The following PTPRT variants were observed in gnomAD, a reference collection of about 807,000 sequenced individuals.
The protein encoded by PTPRT is protein tyrosine phosphatase receptor type T.
Under a neutral mutation model 176.8 loss-of-function variants are expected in PTPRT, and 56 were observed. That is an observed-to-expected ratio of 0.32 (90% CI 0.26 to 0.40). The LOEUF is 0.40. PTPRT is among the 10% of genes least tolerant of loss of function. The pLI, the probability that PTPRT is intolerant of heterozygous loss-of-function variation, is 1.00. For synonymous variants in PTPRT, 783 were observed against 739.0 expected, an observed-to-expected ratio of 1.06 and a Z score of -0.96; for missense variants, 1,540 against 1,908.2, an observed-to-expected ratio of 0.81 and a Z score of 3.60.
intron 2 of PTPRT, among the ~76,000 whole-genome samples, chr20:42,839,860 G>A (rs1045714159): frequency 2.0e-5 from 3 of 152,108 alleles, no homozygotes; most frequent in Non-Finnish European, 2.9e-5. Flanking sequence ...GGGTTTACCC[G>A]CTGAGATCCT....
intron 7 of PTPRT, among the ~76,000 whole-genome samples, chr20:42,663,615 A>T (rs565894422): frequency 3.2e-4 from 49 of 152,226 alleles, no homozygotes; most frequent in African/African-American, 1.1e-3. Context: ...TGAAATGGGG[A>T]GTTCTGGTCA....
chr20:42,659,196 C>G (rs2075178927), intron 7 of PTPRT, among the ~76,000 whole-genome samples: 1 of 152,124 alleles, frequency 6.6e-6, no homozygotes. Flanking sequence ...ACCAGGAACT[C>G]TCTAACTCTC....
intron 7 of PTPRT, among the ~76,000 whole-genome samples, chr20:42,508,783 G>T (rs2071895894): frequency 6.6e-6 from 1 of 150,984 alleles, no homozygotes; most frequent in South Asian, 2.1e-4. Flanking sequence ...GTTGTTATTG[G>T]TCCAATAAAC....
chr20:43,087,250 A>G (rs1449236928), intron 1 of PTPRT, among the ~76,000 whole-genome samples: 1 of 151,894 alleles, frequency 6.6e-6, no homozygotes, highest in Non-Finnish European at 1.5e-5. Flanking sequence ...TTTAAGAGCT[A>G]TCCATGTCAT....
intron 5 of PTPRT, among the ~76,000 whole-genome samples, chr20:42,761,453 C>A (rs115120549): frequency 0.03 from 4,530 of 150,836 alleles, 226 homozygotes; most frequent in African/African-American, 0.11. Flanking sequence ...AAAAATAAAA[C>A]AAATAAAAAA....
intron 1 of PTPRT, among the ~76,000 whole-genome samples, chr20:42,941,898 A>T (rs984175869): frequency 6.6e-6 from 1 of 152,204 alleles, no homozygotes; most frequent in African/African-American, 2.4e-5. Flanking sequence ...CTTAAAAAGC[A>T]TTGCTTTCAG....
intron 1 of PTPRT, among the ~76,000 whole-genome samples, chr20:43,022,510 T>C (rs1985729585): frequency 6.6e-6 from 1 of 152,166 alleles, no homozygotes; most frequent in Admixed American, 6.5e-5. Flanking sequence ...GGTCCAAAGA[T>C]CATCTAAGGT....
intron 16 of PTPRT, among the ~76,000 whole-genome samples, chr20:42,188,958 CTA>C (rs753458720): frequency 2.6e-5 from 4 of 152,204 alleles, no homozygotes; most frequent in Admixed American, 6.5e-5. Context: ...AAAGCTGGAT[CTA>C]TACAACTCAA....
chr20:42,566,995 GGT>G, intron 7 of PTPRT, among the ~76,000 whole-genome samples: 2 of 152,234 alleles, frequency 1.3e-5, no homozygotes, highest in East Asian at 3.9e-4. Context: ...TTTTAGGCAG[GGT>G]GTGGTGGCTC....
chr20:42,705,213 T>C (rs1227561348), intron 6 of PTPRT, among the ~76,000 whole-genome samples: 1 of 151,702 alleles, frequency 6.6e-6, no homozygotes, highest in African/African-American at 2.4e-5. Context: ...CTCGAAATAA[T>C]AATAATAATA....
At chr20:42,558,924 T>G (rs371807288) in intron 7 of PTPRT, among the ~76,000 whole-genome samples, 15 of 151,756 alleles carry the variant, frequency 9.9e-5, no homozygotes, top group South Asian at 4.2e-4. Context: ...TGTGAAGGAG[T>G]TGGACACACT....
chr20:43,180,345 C>CTCTCTCTCTG (rs1159689398), intron 1 of PTPRT, among the ~76,000 whole-genome samples: 1 of 149,750 alleles, frequency 6.7e-6, no homozygotes, highest in Admixed American at 6.6e-5. Flanking sequence ...GAATCAATCT[C>CTCTCTCTCTG]TCTCTCTCTC....
intron 7 of PTPRT, among the ~76,000 whole-genome samples, chr20:42,527,943 T>C (rs540173574): frequency 1.3e-5 from 2 of 152,222 alleles, no homozygotes; most frequent in African/African-American, 2.4e-5. Flanking sequence ...GTTAGTAGAA[T>C]ATAGAATCTT....
At chr20:42,805,502 G>A (rs774858471) in intron 2 of PTPRT, among the ~76,000 whole-genome samples, 3 of 152,214 alleles carry the variant, frequency 2.0e-5, no homozygotes, top group Non-Finnish European at 4.4e-5. Context: ...ACCAGGCACT[G>A]TTGTAGGCCC....
chr20:42,056,534 T>C, the PTPRT span, among the ~76,000 whole-genome samples: 1 of 152,212 alleles, frequency 6.6e-6, no homozygotes, highest in South Asian at 2.1e-4. Context: ...CAGTACCGTG[T>C]TATGTGCAGG....
intron 1 of PTPRT, among the ~76,000 whole-genome samples, chr20:42,977,120 A>C (rs1218763951): frequency 1.3e-5 from 2 of 152,158 alleles, no homozygotes; most frequent in Admixed American, 1.3e-4. Flanking sequence ...GAATTCAAAA[A>C]CCAATGAAGA....
chr20:42,460,406 G>A (rs758172511), intron 8 of PTPRT, among the ~76,000 whole-genome samples: 3 of 152,104 alleles, frequency 2.0e-5, no homozygotes, highest in East Asian at 3.9e-4. Context: ...TGGTGGCATC[G>A]AGTAGCTGCT....
At chr20:42,770,427 T>G (rs748490262) in intron 5 of PTPRT, among the ~76,000 whole-genome samples, 2 of 152,238 alleles carry the variant, frequency 1.3e-5, no homozygotes, top group Non-Finnish European at 2.9e-5. Flanking sequence ...AATGGAAGTA[T>G]GCTAATGTTA....
At chr20:42,643,832 G>C (rs550359172) in intron 7 of PTPRT, among the ~76,000 whole-genome samples, 24 of 151,688 alleles carry the variant, frequency 1.6e-4, no homozygotes, top group South Asian at 8.3e-4. Context: ...TGAGCATAAT[G>C]CCTCTATGGA....
Sources: gnomAD v4.1 joint callset for allele counts (sites outside exome capture counted in the v4.1 genomes callset) on GRCh38, gnomAD v4.1.1 for gene constraint, MANE v1.5 for transcripts, NCBI Gene and HGNC (gene_info 2026-07-23, HGNC 2026-07-21) for gene names.